LINC00305: variants seen among roughly 807,000 people sequenced by gnomAD.
The protein encoded by LINC00305 is long independently transcribed non-coding RNA 305.
intron 1 of LINC00305, among the ~76,000 whole-genome samples, chr18:64,135,198 C>T (rs971182737): frequency 6.6e-6 from 1 of 152,044 alleles, no homozygotes; most frequent in Non-Finnish European, 1.5e-5. Context: ...TTTATAAGGA[C>T]ACCGGTCATA....
intron 1 of LINC00305, among the ~76,000 whole-genome samples, chr18:64,115,588 A>T (rs969420782): frequency 6.6e-6 from 1 of 152,132 alleles, no homozygotes; most frequent in Non-Finnish European, 1.5e-5. Flanking sequence ...AACATTTTGA[A>T]GTGTGAGGGA....
At chr18:64,143,722 G>GTACATGTATGTCCACATATTATGCA (rs2051481210) in intron 1 of LINC00305, among the ~76,000 whole-genome samples, 10 of 150,180 alleles carry the variant, frequency 6.7e-5, no homozygotes, top group African/African-American at 2.4e-4. Context: ...CATATTATGC[G>GTACATGTATGTCCACATATTATGCA]TACATGTATG....
chr18:64,098,582 A>G (rs1327903501), exon 2 of LINC00305: 1 of 449,648 alleles, frequency 2.2e-6, no homozygotes, highest in Non-Finnish European at 4.5e-6. Context: ...CTCACCATGT[A>G]TAATGCACAG....
chr18:64,099,072 C>G (rs1234418166), intron 1 of LINC00305, among the ~76,000 whole-genome samples: 1 of 152,082 alleles, frequency 6.6e-6, no homozygotes, highest in Non-Finnish European at 1.5e-5. Flanking sequence ...TGTCTCTATT[C>G]CTGTTGACCT....
chr18:64,148,284 G>A (rs2051507773), intron 1 of LINC00305, among the ~76,000 whole-genome samples: 1 of 152,040 alleles, frequency 6.6e-6, no homozygotes. Context: ...ATAGTGACCA[G>A]AAGAAATTTC....
At chr18:64,138,958 C>A (rs528117078) in intron 1 of LINC00305, among the ~76,000 whole-genome samples, 1 of 152,296 alleles carries the variant, frequency 6.6e-6, no homozygotes, top group Admixed American at 6.5e-5. Flanking sequence ...CCAGTGCATG[C>A]AGACGGTATC....
chr18:64,145,668 G>C (rs1289178939), intron 1 of LINC00305, among the ~76,000 whole-genome samples: 1 of 152,126 alleles, frequency 6.6e-6, no homozygotes, highest in Non-Finnish European at 1.5e-5. Context: ...CACCTGCCTT[G>C]GCCTCCCAAA....
chr18:64,137,455 C>T (rs777692296), intron 1 of LINC00305, among the ~76,000 whole-genome samples: 13 of 152,214 alleles, frequency 8.5e-5, no homozygotes, highest in Non-Finnish European at 1.8e-4. Context: ...TGTCTGTCTA[C>T]TATTATTTGA....
chr18:64,100,455 A>G (rs2051263887), intron 1 of LINC00305, among the ~76,000 whole-genome samples: 2 of 152,184 alleles, frequency 1.3e-5, no homozygotes, highest in Non-Finnish European at 1.5e-5. Flanking sequence ...GGGGCTTCCC[A>G]GTACAACTCG....
chr18:64,086,020 T>C (rs2051201971), intron 3 of LINC00305, among the ~76,000 whole-genome samples: 1 of 152,224 alleles, frequency 6.6e-6, no homozygotes. Flanking sequence ...CAGAATATGT[T>C]CTTAATATAT....
At chr18:64,106,783 G>C (rs1396527823) in intron 1 of LINC00305, among the ~76,000 whole-genome samples, 1 of 152,084 alleles carries the variant, frequency 6.6e-6, no homozygotes, top group African/African-American at 2.4e-5. Flanking sequence ...AGATCAGCAA[G>C]CAGAATAAGA....
chr18:64,106,469 T>C (rs918714468), intron 1 of LINC00305, among the ~76,000 whole-genome samples: 1 of 152,158 alleles, frequency 6.6e-6, no homozygotes, highest in African/African-American at 2.4e-5. Flanking sequence ...CAATAACAAA[T>C]GTTCGAAGAT....
intron 3 of LINC00305, among the ~76,000 whole-genome samples, chr18:64,088,139 CA>C (rs1449461816): frequency 9.4e-5 from 14 of 148,746 alleles, no homozygotes; most frequent in Admixed American, 9.4e-4. Flanking sequence ...GACTCCGTAT[CA>C]GGAAAAAAAA....
At chr18:64,121,202 T>C (rs2051360351) in intron 1 of LINC00305, among the ~76,000 whole-genome samples, 1 of 152,124 alleles carries the variant, frequency 6.6e-6, no homozygotes, top group African/African-American at 2.4e-5. Flanking sequence ...CTCTTCTTTT[T>C]TAAATTTGTA....
chr18:64,102,724 A>C (rs1222695261), intron 1 of LINC00305, among the ~76,000 whole-genome samples: 1 of 152,198 alleles, frequency 6.6e-6, no homozygotes, highest in Non-Finnish European at 1.5e-5. Context: ...CGGAGGGCAA[A>C]GGGGAAGCAG....
intron 1 of LINC00305, among the ~76,000 whole-genome samples, chr18:64,113,560 C>CT (rs1365323504): frequency 6.6e-6 from 1 of 152,176 alleles, no homozygotes; most frequent in Admixed American, 6.5e-5. Context: ...GCTTAGACCT[C>CT]TAAGTTAGTT....
chr18:64,135,095 C>A (rs2051426607), intron 1 of LINC00305, among the ~76,000 whole-genome samples: 1 of 152,136 alleles, frequency 6.6e-6, no homozygotes, highest in African/African-American at 2.4e-5. Flanking sequence ...GTGTTCCAGG[C>A]CTGTCTCTGG....
At chr18:64,132,899 A>C (rs1303828797) in intron 1 of LINC00305, among the ~76,000 whole-genome samples, 1 of 152,172 alleles carries the variant, frequency 6.6e-6, no homozygotes, top group Non-Finnish European at 1.5e-5. Context: ...ATGACTTCAC[A>C]ACCAGAATAA....
chr18:64,089,788 A>G (rs1192553474), intron 3 of LINC00305, among the ~76,000 whole-genome samples: 1 of 152,234 alleles, frequency 6.6e-6, no homozygotes, highest in East Asian at 1.9e-4. Context: ...GATGGCAGCA[A>G]GGAAAAAGAG....
Sources: gnomAD v4.1 joint callset for allele counts (sites outside exome capture counted in the v4.1 genomes callset) on GRCh38, gnomAD v4.1.1 for gene constraint, MANE v1.5 for transcripts, NCBI Gene and HGNC (gene_info 2026-07-23, HGNC 2026-07-21) for gene names.